ADARB2: variants seen among roughly 807,000 people sequenced by gnomAD.
The protein encoded by ADARB2 is inactive double-stranded RNA-specific editase B2.
In ADARB2, 25 loss-of-function variants were observed where a neutral mutation model predicts 62.2. The ratio of observed to expected loss-of-function variants is 0.40; its 90% CI spans 0.29 to 0.56. The LOEUF (loss-of-function observed/expected upper bound fraction) is 0.56. Ranked by LOEUF, ADARB2 falls within the 20% of genes least tolerant of loss-of-function variation. The pLI is 0.43. For synonymous variants in ADARB2, 572 were observed against 500.8 expected (o/e 1.14, Z -1.90); for missense variants, 1,071 against 1,077.4 (o/e 0.99, Z 0.08).
At chr10:1,706,093 G>C (rs1171116734) in intron 1 of ADARB2, among the ~76,000 whole-genome samples, 1 of 152,214 alleles carries the variant, frequency 6.6e-6, no homozygotes, top group African/African-American at 2.4e-5. Context: ...AATGTGAGCA[G>C]CATCAAATGT....
At chr10:1,510,869 C>T (rs4880513) in intron 1 of ADARB2, among the ~76,000 whole-genome samples, 2,163 of 152,272 alleles carry the variant, frequency 0.014, 105 homozygotes, top group East Asian at 0.13. Flanking sequence ...CTCTGTCTCT[C>T]TCTCTTTCTT....
At chr10:1,537,370 T>C (rs1832346008) in intron 1 of ADARB2, among the ~76,000 whole-genome samples, 1 of 152,244 alleles carries the variant, frequency 6.6e-6, no homozygotes, top group Non-Finnish European at 1.5e-5. Context: ...GGTGGGAATG[T>C]AAATTAGTTC....
Position 1,177,552 on chromosome 10 carries a change from CA to C in ADARB2, c.*5640del, listed in dbSNP as rs1386736146. On this transcript the variant is annotated 3_prime_UTR_variant, in exon 10 of 10. Transcript: ENST00000381312. ...CTATGTGTTAAGTTCATTTTGCTTACAAAATGCTGAAAACTAACGGGGCACA... is the reference window on the plus strand; with the variant it reads ...CTATGTGTTAAGTTCATTTTGCTTACAAATGCTGAAAACTAACGGGGCACA... 6.6e-6 allele frequency: 1 copy of C among 151,586 alleles called. No individual in the cohort carries two copies. The highest frequency in any genetic ancestry group is 2.4e-5 in the African/African-American group (1 of 41,248). The allele number at this position is 151,586 out of a possible 1,614,324, so 9.4% of individuals were successfully genotyped here.
intron 1 of ADARB2, among the ~76,000 whole-genome samples, chr10:1,731,239 C>T (rs1039615091): frequency 1.3e-5 from 2 of 152,138 alleles, no homozygotes; most frequent in African/African-American, 4.8e-5. Context: ...GCCTACGAGC[C>T]CTGTTTGCTA....
chr10:1,524,891 G>T (rs1832121113), intron 1 of ADARB2, among the ~76,000 whole-genome samples: 2 of 152,134 alleles, frequency 1.3e-5, no homozygotes, highest in Admixed American at 6.5e-5. Flanking sequence ...GAAATACACA[G>T]AAAATAGTCA....
intron 7 of ADARB2, among the ~76,000 whole-genome samples, chr10:1,205,945 T>C: frequency 7.9e-6 from 1 of 126,884 alleles, no homozygotes; most frequent in South Asian, 2.5e-4. Flanking sequence ...TGGGGTCAGG[T>C]GGGGTCACGG....
intron 3 of ADARB2, among the ~76,000 whole-genome samples, chr10:1,280,425 T>G (rs1831359666): frequency 6.6e-6 from 1 of 152,164 alleles, no homozygotes; most frequent in Non-Finnish European, 1.5e-5. Context: ...GTGTGGACTA[T>G]CCCTCCTTCC....
intron 1 of ADARB2, among the ~76,000 whole-genome samples, chr10:1,475,870 T>C (rs1030430319): frequency 2.6e-5 from 4 of 152,118 alleles, no homozygotes; most frequent in African/African-American, 4.8e-5. Context: ...CAACTGGAGG[T>C]AATTGTGTGA....
intron 1 of ADARB2, among the ~76,000 whole-genome samples, chr10:1,653,874 C>T (rs1564359293): frequency 1.3e-5 from 2 of 152,124 alleles, no homozygotes; most frequent in Admixed American, 6.5e-5. Context: ...CAGCAGCTTG[C>T]GATTGAAAGG....
At chr10:1,552,637 G>A (rs1832643071) in intron 1 of ADARB2, among the ~76,000 whole-genome samples, 2 of 151,884 alleles carry the variant, frequency 1.3e-5, no homozygotes, top group South Asian at 2.1e-4. Context: ...GGTCCTGCCC[G>A]GCACTCAGCG....
At chr10:1,501,608 T>C (rs1260672415) in intron 1 of ADARB2, among the ~76,000 whole-genome samples, 2 of 152,090 alleles carry the variant, frequency 1.3e-5, no homozygotes, top group African/African-American at 4.8e-5. Context: ...ATAGCAAAAA[T>C]CAATTTAGCA....
chr10:1,469,356 T>C (rs1831294259), intron 1 of ADARB2, among the ~76,000 whole-genome samples: 1 of 152,248 alleles, frequency 6.6e-6, no homozygotes, highest in African/African-American at 2.4e-5. Context: ...GTCTTTATTC[T>C]CTTCCCTATT....
chr10:1,544,302 C>T (rs1466019269), intron 1 of ADARB2, among the ~76,000 whole-genome samples: 1 of 152,230 alleles, frequency 6.6e-6, no homozygotes, highest in African/African-American at 2.4e-5. Flanking sequence ...TCCCGTTGGT[C>T]ACCACCTGGT....
intron 6 of ADARB2, among the ~76,000 whole-genome samples, chr10:1,217,343 TA>T (rs1407351415): frequency 1.3e-5 from 2 of 151,966 alleles, no homozygotes; most frequent in East Asian, 1.9e-4. Context: ...GGTCAGGGAG[TA>T]AAAACCCCAG....
At chr10:1,461,213 G>A (rs1450714284) in intron 1 of ADARB2, among the ~76,000 whole-genome samples, 1 of 152,220 alleles carries the variant, frequency 6.6e-6, no homozygotes, top group East Asian at 1.9e-4. Flanking sequence ...CATGACAAAC[G>A]CCCCAGACCG....
chr10:1,597,371 A>G (rs547420241), intron 1 of ADARB2, among the ~76,000 whole-genome samples: 2 of 152,366 alleles, frequency 1.3e-5, no homozygotes, highest in African/African-American at 4.8e-5. Flanking sequence ...CAAACTTTGC[A>G]TCTGACATAG....
intron 1 of ADARB2, among the ~76,000 whole-genome samples, chr10:1,682,218 G>A (rs1834546468): frequency 6.6e-6 from 1 of 152,162 alleles, no homozygotes; most frequent in Admixed American, 6.5e-5. Flanking sequence ...GAGAGCACTG[G>A]GCGTCGAAGA....
At chr10:1,269,924 G>T (rs1160775786) in intron 4 of ADARB2, among the ~76,000 whole-genome samples, 1 of 152,226 alleles carries the variant, frequency 6.6e-6, no homozygotes, top group East Asian at 1.9e-4. Flanking sequence ...GGGGCCAGTT[G>T]CTGGTGGCCA....
intron 1 of ADARB2, among the ~76,000 whole-genome samples, chr10:1,411,396 G>A (rs900079387): frequency 2.0e-5 from 3 of 152,206 alleles, no homozygotes; most frequent in Admixed American, 6.5e-5. Context: ...ACAGCACCAC[G>A]TCCTCTCCAG....
Sources: allele counts gnomAD v4.1 joint callset (sites outside exome capture counted in the v4.1 genomes callset), GRCh38; gene constraint gnomAD v4.1.1; transcripts MANE v1.5; gene names NCBI Gene and HGNC (gene_info 2026-07-23, HGNC 2026-07-21).